The following CABLES1 variants were observed in gnomAD, a reference collection of about 807,000 sequenced individuals.
CABLES1 encodes the protein Cdk5 and Abl enzyme substrate 1, also known as CDK5 and ABL1 enzyme substrate 1.
A neutral mutation model predicts 57.8 loss-of-function variants in CABLES1; 36 were observed. The observed-to-expected ratio is 0.62, with a 90% CI of 0.48 to 0.82. CABLES1 has a LOEUF of 0.82. Ranked by LOEUF, CABLES1 falls within the 40% of genes least tolerant of loss-of-function variation. The pLI, the probability that CABLES1 is intolerant of heterozygous loss-of-function variation, is 0.00. For missense variants in CABLES1, 767 were observed against 836.6 expected (o/e 0.92, Z 1.03); for synonymous variants, 374 against 363.0 (o/e 1.03, Z -0.35).
intron 1 of CABLES1, among the ~76,000 whole-genome samples, chr18:23,170,497 AGC>A (rs2047074723): frequency 6.6e-6 from 1 of 152,152 alleles, no homozygotes; most frequent in African/African-American, 2.4e-5. Flanking sequence ...CATCTCCAGC[AGC>A]GTGTGCATGG....
intron 1 of CABLES1, among the ~76,000 whole-genome samples, chr18:23,165,504 G>A (rs1021683807): frequency 1.3e-5 from 2 of 152,026 alleles, no homozygotes; most frequent in African/African-American, 2.4e-5. Flanking sequence ...AACTCTGTGC[G>A]GGTTAAATAG....
Position 23,173,660 on chromosome 18 carries a change from A to G in CABLES1, c.846-15178A>G, listed in dbSNP as rs1432634887. On this transcript the variant is annotated intron_variant, in intron 1 of 9. Coordinates refer to ENST00000256925, the MANE Select transcript of CABLES1 (RefSeq NM_001100619.3). ...TTACTAAGATATAATTTGCATACCA[A>G]CCATTTAAAGTTACTATTTTGGCTG... is the stretch of plus-strand genomic sequence containing the variant. Among the ~76,000 whole-genome samples, 4 of 152,282 alleles carry G rather than the reference A, an allele frequency of 2.6e-5. No individual in the cohort carries two copies. The East Asian group carries it at 5.8e-4, about 22-fold the overall frequency.
rs749990438 is a variant in CABLES1 at position 23,247,092 on chromosome 18, G to C, written c.1447-5868G>C. ...ACCAGAAAGAATGAGTGGCTGAGGG[G>C]CTGTGGTAATCCCACTGCCGTGGCT... On this transcript the variant is annotated intron_variant, in intron 7 of 9. Coordinates refer to ENST00000256925, the MANE Select transcript of CABLES1 (RefSeq NM_001100619.3). Among the ~76,000 whole-genome samples, 458 of 152,340 alleles carry C rather than the reference G, an allele frequency of 3.0e-3. 5 individuals carry two copies. The highest frequency in any genetic ancestry group is 2.0e-3 in the Non-Finnish European group (136 of 68,030).
chr18:23,202,067 C>A lies in CABLES1; in HGVS notation c.1010+7527C>A, dbSNP rs111724999. Among the ~76,000 whole-genome samples, 265 of 142,822 alleles carry A rather than the reference C, an allele frequency of 1.9e-3. 2 individuals carry two copies. The highest frequency in any genetic ancestry group is 3.3e-3 in the Non-Finnish European group (213 of 65,244). 93.7% of individuals were successfully genotyped at this position (142,822 alleles called of 152,430 possible). Reference sequence around the variant, plus strand: ...AGAGGAAGGAAGGAAGGAAGGAAGGCGAGATGAGCTCTGATAAGTTGGTGG... The same window carrying A: ...AGAGGAAGGAAGGAAGGAAGGAAGGAGAGATGAGCTCTGATAAGTTGGTGG... On this transcript the variant is annotated intron_variant, in intron 3 of 9. Transcript: ENST00000256925.
intron 1 of CABLES1, among the ~76,000 whole-genome samples, chr18:23,160,319 G>GCGC (rs1260327691): frequency 1.3e-5 from 2 of 152,118 alleles, no homozygotes; most frequent in African/African-American, 4.8e-5. Flanking sequence ...GTGAGCCACC[G>GCGC]CGCCTAGCCG....
At position 23,192,928 on chromosome 18, in the gene CABLES1, A is replaced by G. The variant is rs2047255307; in HGVS notation, c.918-1520A>G. ...TTTAGTGGCCCAGGCGCAGTGGCTC[A>G]CACCTATAATCCCAGCACTTTGGGA... On this transcript the variant is annotated intron_variant, in intron 2 of 9. Coordinates refer to ENST00000256925, the MANE Select transcript of CABLES1 (RefSeq NM_001100619.3). Among the ~76,000 whole-genome samples the G allele has an allele frequency of 2.6e-5, 4 of 152,260 alleles. No homozygotes were observed. The South Asian group carries it at 8.3e-4, about 32-fold the overall frequency.
intron 1 of CABLES1, among the ~76,000 whole-genome samples, chr18:23,159,166 T>C (rs1026190823): frequency 1.3e-5 from 2 of 152,238 alleles, no homozygotes; most frequent in African/African-American, 4.8e-5. Context: ...GGTTTCGCCA[T>C]GTTGGCCAGG....
At chr18:23,139,107 T>C (rs1360466872) in intron 1 of CABLES1, among the ~76,000 whole-genome samples, 5 of 152,140 alleles carry the variant, frequency 3.3e-5, no homozygotes, top group African/African-American at 1.2e-4. Context: ...ATATAAAAAT[T>C]AGAATGTCGG....
At chr18:23,178,423 C>G (rs2047140580) in intron 1 of CABLES1, among the ~76,000 whole-genome samples, 1 of 152,196 alleles carries the variant, frequency 6.6e-6, no homozygotes, top group African/African-American at 2.4e-5. Flanking sequence ...GGACCCTGGG[C>G]TGGCCGCCTG....
intron 1 of CABLES1, among the ~76,000 whole-genome samples, chr18:23,174,930 T>C (rs2047112728): frequency 6.7e-6 from 1 of 150,292 alleles, no homozygotes; most frequent in Non-Finnish European, 1.5e-5. Context: ...TGGTGACTTA[T>C]GCATTAATTA....
chr18:23,211,197 A>G (rs916011205), intron 3 of CABLES1, among the ~76,000 whole-genome samples: 1 of 152,150 alleles, frequency 6.6e-6, no homozygotes, highest in Non-Finnish European at 1.5e-5. Context: ...TTCTTGTTCT[A>G]TTAAATACGT....
At position 23,135,829 on chromosome 18, in the gene CABLES1, GC is replaced by G. The variant is rs2046814486; in HGVS notation, c.68del (p.Ala23GlyfsTer110). ...CAGCGGCAGCGCCGGCACCGACGCC[GC>G]GGGCGCCAGCGGATTGCAGCAGCCG... ...CSSGSAGTDAAGASGLQQPPP... is the reference protein window; with the variant it reads ...CSSGSAGTDAXGASGLQQPPP... On this transcript the variant is annotated frameshift_variant, in exon 1 of 10. Coordinates refer to ENST00000256925, the MANE Select transcript of CABLES1 (RefSeq NM_001100619.3). LOFTEE classifies it high-confidence loss of function. The G allele has an allele frequency of 1.0e-6, 1 of 965,982 alleles. No homozygotes were observed. 59.8% of individuals were successfully genotyped at this position (965,982 alleles called of 1,614,324 possible).
intron 1 of CABLES1, among the ~76,000 whole-genome samples, chr18:23,167,552 G>C (rs992235023): frequency 3.3e-5 from 5 of 152,164 alleles, no homozygotes; most frequent in East Asian, 1.9e-4. Context: ...TGGGGGATTG[G>C]GGGGAGTACC....
chr18:23,136,464 C>T lies in CABLES1; in HGVS notation c.702C>T (p.Ser234=). 6.2e-7 allele frequency: 1 copy of T among 1,604,302 alleles called. No individual in the cohort carries two copies. The highest frequency in any genetic ancestry group is 8.5e-7 in the Non-Finnish European group (1 of 1,177,434). The change falls in exon 1 of 10, where the codon AGC becomes AGT. Residue 234 remains serine (S), a synonymous_variant. Transcript: ENST00000256925. ...GCTCCGGGACCCCCGGGAGTGGGAGCGGCAGTCGGGGACGCCTCAACTCGT... is the reference window on the plus strand; with the variant it reads ...GCTCCGGGACCCCCGGGAGTGGGAGTGGCAGTCGGGGACGCCTCAACTCGT... ...FLGSGTPGSG[S]GSRGRLNSFT... is the part of the protein sequence containing the mutation.
At chr18:23,137,483 G>A (rs183652511) in intron 1 of CABLES1, among the ~76,000 whole-genome samples, 3 of 152,156 alleles carry the variant, frequency 2.0e-5, no homozygotes, top group Non-Finnish European at 2.9e-5. Context: ...CGTTCCTAGG[G>A]AGTGCCCTCC....
chr18:23,241,789 G>T (rs866063485), intron 7 of CABLES1, among the ~76,000 whole-genome samples: 1 of 152,148 alleles, frequency 6.6e-6, no homozygotes, highest in African/African-American at 2.4e-5. Context: ...ATATAAAAAG[G>T]CCCCTCGTCG....
At chr18:23,146,917 A>G (rs1405637531) in intron 1 of CABLES1, among the ~76,000 whole-genome samples, 1 of 152,194 alleles carries the variant, frequency 6.6e-6, no homozygotes, top group Non-Finnish European at 1.5e-5. Context: ...CAAATCTTCT[A>G]CTTGTGAGTT....
intron 7 of CABLES1, among the ~76,000 whole-genome samples, chr18:23,239,939 A>G (rs1351192477): frequency 1.3e-5 from 2 of 152,130 alleles, no homozygotes; most frequent in Non-Finnish European, 2.9e-5. Flanking sequence ...CCAACGTGGT[A>G]AAACCCCATC....
chr18:23,205,225 T>A, intron 3 of CABLES1, among the ~76,000 whole-genome samples: 1 of 142,164 alleles, frequency 7.0e-6, no homozygotes, highest in South Asian at 2.4e-4. Context: ...TCTCCCTCTG[T>A]CACCCAAGCT....
Sources: gnomAD v4.1 joint callset for allele counts (sites outside exome capture counted in the v4.1 genomes callset) on GRCh38, gnomAD v4.1.1 for gene constraint, MANE v1.5 for transcripts, NCBI Gene and HGNC (gene_info 2026-07-23, HGNC 2026-07-21) for gene names.